Variants in GRM7 observed in about 807,000 individuals in gnomAD.
The protein encoded by GRM7 is glutamate metabotropic receptor 7, also known as metabotropic glutamate receptor 7.
A neutral mutation model predicts 84.5 loss-of-function variants in GRM7; 35 were observed. That is an observed-to-expected ratio of 0.41 (90% CI 0.32 to 0.55). The LOEUF is 0.55. Among genes scored for constraint, GRM7 ranks in the 20% least tolerant of loss-of-function variants. The probability of loss-of-function intolerance (pLI) is 0.19; values close to 1 mark genes in which losing one functional copy is unlikely to be tolerated. For missense variants in GRM7, 1,003 were observed against 1,194.6 expected (o/e 0.84, Z 2.36); for synonymous variants, 487 against 455.1 (o/e 1.07, Z -0.89).
At chr3:7,230,615 T>C (rs11705965) in intron 2 of GRM7, among the ~76,000 whole-genome samples, 61,404 of 152,128 alleles carry the variant, frequency 0.4, 13,504 homozygotes, top group East Asian at 0.55. Flanking sequence ...AAGTAGAAAC[T>C]AGGGCATAGA....
intron 9 of GRM7, among the ~76,000 whole-genome samples, chr3:7,732,422 T>A (rs1702363633): frequency 6.6e-6 from 1 of 151,950 alleles, no homozygotes; most frequent in Non-Finnish European, 1.5e-5. Flanking sequence ...AGTAGAGAGG[T>A]CATGAGAGGG....
At chr3:7,191,946 A>G (rs1695723662) in intron 2 of GRM7, among the ~76,000 whole-genome samples, 1 of 152,148 alleles carries the variant, frequency 6.6e-6, no homozygotes, top group South Asian at 2.1e-4. Flanking sequence ...CTTACCAGGT[A>G]CATCCGAATT....
At chr3:7,340,835 A>G (rs975451641) in intron 4 of GRM7, among the ~76,000 whole-genome samples, 8 of 152,152 alleles carry the variant, frequency 5.3e-5, no homozygotes, top group Admixed American at 3.9e-4. Context: ...CACAAAAGCC[A>G]GCTTGAATTA....
chr3:7,095,678 G>T (rs986942306), intron 1 of GRM7, among the ~76,000 whole-genome samples: 1 of 152,058 alleles, frequency 6.6e-6, no homozygotes, highest in Non-Finnish European at 1.5e-5. Context: ...GGAATACAGA[G>T]ATGACATAAA....
In GRM7 at chr3:7,399,179, CAATAATAAT is replaced by C. The variant is rs146619960; in HGVS notation, c.1034-15817_1034-15809del. ...CTTCCTATTTAAAAAACAACAAGAA[CAATAATAAT>C]AATAATAATAATAATAATAATAATA... On this transcript the variant is annotated intron_variant, in intron 4 of 9. Transcript: ENST00000357716. Among the ~76,000 whole-genome samples the C allele has an allele frequency of 5.7e-4, 84 of 146,226 alleles. 1 individual carries two copies. The highest frequency in any genetic ancestry group is 5.7e-3 in the South Asian group (26 of 4,572).
chr3:7,104,348 C>G (rs1047636722), intron 1 of GRM7, among the ~76,000 whole-genome samples: 1 of 151,714 alleles, frequency 6.6e-6, no homozygotes, highest in African/African-American at 2.4e-5. Flanking sequence ...GGATCTCAGT[C>G]TTTCAGTTTC....
At chr3:7,076,906 G>A (rs1215518480) in intron 1 of GRM7, among the ~76,000 whole-genome samples, 1 of 152,068 alleles carries the variant, frequency 6.6e-6, no homozygotes, top group African/African-American at 2.4e-5. Flanking sequence ...TCAAAAAGTG[G>A]GCGAAGGATA....
At chr3:7,254,267 C>G (rs967885815) in intron 2 of GRM7, among the ~76,000 whole-genome samples, 1 of 152,132 alleles carries the variant, frequency 6.6e-6, no homozygotes, top group African/African-American at 2.4e-5. Context: ...TTTTTTCAAA[C>G]AAACTGCCCC....
At chr3:7,378,791 G>T (rs1428285225) in intron 4 of GRM7, among the ~76,000 whole-genome samples, 1 of 152,008 alleles carries the variant, frequency 6.6e-6, no homozygotes, top group Non-Finnish European at 1.5e-5. Flanking sequence ...ACACTTATCA[G>T]GATTTTGCCA....
At chr3:7,108,039 A>C (rs1274462186) in intron 1 of GRM7, among the ~76,000 whole-genome samples, 1 of 152,082 alleles carries the variant, frequency 6.6e-6, no homozygotes, top group African/African-American at 2.4e-5. Flanking sequence ...GCCTTTACAG[A>C]GTAGTACTAA....
At chr3:7,608,018 A>T (rs745553538) in intron 8 of GRM7, 23 of 345,488 alleles carry the variant, frequency 6.7e-5, no homozygotes, top group Admixed American at 1.8e-4. Flanking sequence ...TTTGCTAAGG[A>T]TAACAGCCTC....
intron 1 of GRM7, among the ~76,000 whole-genome samples, chr3:6,887,660 T>C (rs1167932043): frequency 6.6e-6 from 1 of 152,198 alleles, no homozygotes; most frequent in East Asian, 1.9e-4. Flanking sequence ...TTCCAAGTCT[T>C]TGCTATTGTG....
At chr3:7,022,564 A>C (rs1011658516) in intron 1 of GRM7, among the ~76,000 whole-genome samples, 3 of 152,110 alleles carry the variant, frequency 2.0e-5, no homozygotes, top group African/African-American at 7.2e-5. Flanking sequence ...CAGAAAAAAA[A>C]CTGACCTTTC....
intron 4 of GRM7, among the ~76,000 whole-genome samples, chr3:7,341,229 A>T (rs532947909): frequency 6.6e-6 from 1 of 152,278 alleles, no homozygotes; most frequent in Admixed American, 6.5e-5. Flanking sequence ...CAAATTTCAG[A>T]GTACTTTCTA....
At chr3:7,658,639 G>A (rs1699304652) in intron 8 of GRM7, among the ~76,000 whole-genome samples, 1 of 152,142 alleles carries the variant, frequency 6.6e-6, no homozygotes, top group Admixed American at 6.5e-5. Context: ...GCAATTTAAA[G>A]GGATTATTTG....
chr3:7,714,026 A>G (rs1701689628), intron 9 of GRM7, among the ~76,000 whole-genome samples: 1 of 152,034 alleles, frequency 6.6e-6, no homozygotes, highest in Admixed American at 6.6e-5. Flanking sequence ...GGCAAAACCA[A>G]TCTCAGCTAA....
chr3:6,924,294 C>A (rs960565170), intron 1 of GRM7, among the ~76,000 whole-genome samples: 1 of 152,086 alleles, frequency 6.6e-6, no homozygotes, highest in Non-Finnish European at 1.5e-5. Context: ...AAGAGATAGA[C>A]AAATATCTCC....
At chr3:7,724,140 AG>A (rs1373499301) in intron 9 of GRM7, among the ~76,000 whole-genome samples, 1 of 152,136 alleles carries the variant, frequency 6.6e-6, no homozygotes, top group Non-Finnish European at 1.5e-5. Context: ...ATAGGTGCCC[AG>A]AACCATGCCT....
intron 9 of GRM7, among the ~76,000 whole-genome samples, chr3:7,690,251 T>C (rs1161849785): frequency 6.6e-6 from 1 of 152,030 alleles, no homozygotes; most frequent in Non-Finnish European, 1.5e-5. Context: ...TGCCTTTAAG[T>C]ACAAAGGCTA....
Sources: allele counts gnomAD v4.1 joint callset (sites outside exome capture counted in the v4.1 genomes callset), GRCh38; gene constraint gnomAD v4.1.1; transcripts MANE v1.5; gene names NCBI Gene and HGNC (gene_info 2026-07-23, HGNC 2026-07-21).